Variants in ARHGEF18 observed in about 807,000 individuals in gnomAD.
ARHGEF18 encodes the protein Rho/Rac guanine nucleotide exchange factor 18.
ARHGEF18 carries 93 observed loss-of-function variants against 155.7 expected under a neutral mutation model. The observed-to-expected ratio is 0.60, with a 90% CI of 0.50 to 0.71. The LOEUF (loss-of-function observed/expected upper bound fraction) is 0.71. ARHGEF18 is among the 30% of genes least tolerant of loss of function. The pLI is 0.00. For synonymous variants in ARHGEF18, 742 were observed against 753.1 expected (o/e 0.99, Z 0.24); for missense variants, 1,593 against 1,816.1 (o/e 0.88, Z 2.23).
At chr19:7,392,991 G>A (rs1971486033) in intron 10 of ARHGEF18, among the ~76,000 whole-genome samples, 1 of 134,106 alleles carries the variant, frequency 7.5e-6, no homozygotes, top group Non-Finnish European at 1.5e-5. Flanking sequence ...AAGCTGCAAT[G>A]AGCTATGATT....
chr19:7,450,708 T>C (rs1975359069), intron 15 of ARHGEF18, among the ~76,000 whole-genome samples: 2 of 152,300 alleles, frequency 1.3e-5, no homozygotes, highest in African/African-American at 2.4e-5. Flanking sequence ...GTTTCCGAGA[T>C]GTTAATGCAA....
At chr19:7,375,432 G>GAAGAAAAGAAAAGA (rs1344952773) in intron 3 of ARHGEF18, among the ~76,000 whole-genome samples, 4 of 151,406 alleles carry the variant, frequency 2.6e-5, no homozygotes, top group Non-Finnish European at 5.9e-5. Flanking sequence ...AGAAAGGAAG[G>GAAGAAAAGAAAAGA]AAGAAAAGAA....
At chr19:7,382,963 G>A in intron 9 of ARHGEF18, 69 bp downstream of exon 9, 2 of 1,232,272 alleles carry the variant, frequency 1.6e-6, no homozygotes, top group Non-Finnish European at 2.0e-6. Context: ...CTTAGCCCGG[G>A]AGCCCTGTGA....
chr19:7,443,286 A>G (rs1684967679), intron 13 of ARHGEF18, among the ~76,000 whole-genome samples: 1 of 150,730 alleles, frequency 6.6e-6, no homozygotes, highest in South Asian at 2.1e-4. Flanking sequence ...CGGACTCCTG[A>G]CCTCATGATC....
intron 1 of ARHGEF18, among the ~76,000 whole-genome samples, chr19:7,362,437 G>A (rs888276845): frequency 6.6e-6 from 1 of 152,098 alleles, no homozygotes; most frequent in African/African-American, 2.4e-5. Context: ...CTTTTTCCTA[G>A]AGCAGGCATA....
At chr19:7,351,166 T>G (rs896844583) in intron 1 of ARHGEF18, among the ~76,000 whole-genome samples, 2 of 152,174 alleles carry the variant, frequency 1.3e-5, no homozygotes, top group Non-Finnish European at 2.9e-5. Flanking sequence ...TCAGAAAACA[T>G]TGTCAGCCTC....
rs1183854116 is a variant in ARHGEF18, at chr19:7,467,397, C to T, written c.3193C>T (p.His1065Tyr). Reference sequence around the variant, plus strand: ...GGAGAAGCTGCAGAGCCAGCTGCGGCACGAGCAGCAGCGCTGGGAGCGCGA... The same window carrying T: ...GGAGAAGCTGCAGAGCCAGCTGCGGTACGAGCAGCAGCGCTGGGAGCGCGA... ...ALEKLQSQLR[H>Y]EQQRWERERQ... The change falls in exon 26 of 29, where the codon CAC becomes TAC. Residue 1065 changes from histidine (H) to tyrosine (Y), a missense_variant. By Grantham distance (83) the His-to-Tyr change is moderately conservative. Coordinates refer to ENST00000668164, the MANE Select transcript of ARHGEF18 (RefSeq NM_001367823.1). 1 of 1,532,914 alleles carries T rather than the reference C, an allele frequency of 6.5e-7. No individual in the cohort carries two copies. Among genetic ancestry groups the T allele is most frequent in the Admixed American group, 2.0e-5 (1 of 50,930 alleles). The allele number at this position is 1,532,914 out of a possible 1,614,324, so 95.0% of individuals were successfully genotyped here. A position where few individuals can be genotyped will look rare whatever the true frequency, so the allele number is the denominator to read the frequency against.
At chr19:7,363,993 G>GAGGA (rs766146425) in intron 2 of ARHGEF18, among the ~76,000 whole-genome samples, 1 of 149,444 alleles carries the variant, frequency 6.7e-6, no homozygotes, top group African/African-American at 2.5e-5. Flanking sequence ...AGAAGGGTGA[G>GAGGA]AGGAAGGAAG....
chr19:7,414,739 GT>G (rs1437171042), intron 10 of ARHGEF18, among the ~76,000 whole-genome samples: 6 of 152,032 alleles, frequency 3.9e-5, no homozygotes, highest in African/African-American at 1.4e-4. Context: ...AACCCGGGAG[GT>G]GGAGGTTGCA....
chr19:7,426,221 C>T (rs369152500), intron 10 of ARHGEF18, among the ~76,000 whole-genome samples: 73 of 152,174 alleles, frequency 4.8e-4, no homozygotes, highest in African/African-American at 1.7e-3. Context: ...GGCGCGGTGG[C>T]TCATGCCTGT....
At chr19:7,362,300 G>GA (rs1453556474) in intron 1 of ARHGEF18, among the ~76,000 whole-genome samples, 1 of 150,624 alleles carries the variant, frequency 6.6e-6, no homozygotes, top group African/African-American at 2.5e-5. Flanking sequence ...GAGGAAGAAG[G>GA]AGAAGGAGGA....
rs536682892 is a variant in ARHGEF18, at chr19:7,393,433, T to C, written c.967+10230T>C. On this transcript the variant is annotated intron_variant, in intron 10 of 28. Transcript: ENST00000668164. ...AGGTTTCCCAGGCTGATCTCAAAGC[T>C]CCTGGACTCAAGTGATCCTCCCTCC... is the stretch of plus-strand genomic sequence containing the variant. 2.4e-4 allele frequency among the ~76,000 whole-genome samples: 36 copies of C among 152,238 alleles called. No homozygotes were observed. In the South Asian group the frequency reaches 5.8e-3, roughly 25 times the overall value.
At chr19:7,390,044 A>T (rs901677926) in intron 10 of ARHGEF18, among the ~76,000 whole-genome samples, 3 of 152,028 alleles carry the variant, frequency 2.0e-5, no homozygotes, top group Admixed American at 2.0e-4. Flanking sequence ...AAATGTTTAA[A>T]AGTTAGCCAG....
At position 7,463,934 on chromosome 19, in the gene ARHGEF18, T is replaced by G; in HGVS notation, c.2752T>G (p.Cys918Gly). Residue 918 changes from cysteine (C) to glycine (G), a missense_variant, in exon 22 of 29, where the codon TGC becomes GGC. Coordinates refer to ENST00000668164, the MANE Select transcript of ARHGEF18 (RefSeq NM_001367823.1). The surrounding 1 kb of genome is among the most constrained non-coding windows in gnomAD (Gnocchi z 5.2). ...GGCTGAGACCTTCGCGGGCTACGAC[T>G]GCACAAACAGCCCCACCAAGAGTAA... is the stretch of plus-strand genomic sequence containing the variant. Reference protein sequence around the residue: ...RRAETFAGYDCTNSPTKNGSF... With the variant: ...RRAETFAGYDGTNSPTKNGSF... 6.3e-7 allele frequency: 1 copy of G among 1,592,778 alleles called. No homozygotes were observed. The highest frequency in any genetic ancestry group is 8.5e-7 in the Non-Finnish European group (1 of 1,170,120).
Position 7,373,074 on chromosome 19 carries a change from C to A in ARHGEF18, c.275+3C>A. 1.6e-6 allele frequency: 2 copies of A among 1,234,458 alleles called. No homozygotes were observed. Among genetic ancestry groups the A allele is most frequent in the South Asian group, 8.2e-5 (2 of 24,362 alleles). 76.5% of individuals were successfully genotyped at this position (1,234,458 alleles called of 1,614,324 possible). A position where few individuals can be genotyped will look rare whatever the true frequency, so the allele number is the denominator to read the frequency against. ...AGCTGCTCAGAGAGCTGGCGGAGGT[C>A]AGTTCCCCACTGCTGCCTGCTTCCC... is the stretch of plus-strand genomic sequence containing the variant. On this transcript the variant is annotated splice_donor_region_variant and intron_variant, in intron 3 of 28. Coordinates refer to ENST00000668164, the MANE Select transcript of ARHGEF18 (RefSeq NM_001367823.1).
At chr19:7,410,498 GTCT>G (rs1328983515) in intron 10 of ARHGEF18, among the ~76,000 whole-genome samples, 2 of 151,784 alleles carry the variant, frequency 1.3e-5, no homozygotes, top group Non-Finnish European at 2.9e-5. Context: ...TTCAGAATCA[GTCT>G]TCTTTTCATC....
chr19:7,356,883 C>T (rs1969328912), intron 1 of ARHGEF18, among the ~76,000 whole-genome samples: 1 of 152,180 alleles, frequency 6.6e-6, no homozygotes, highest in Non-Finnish European at 1.5e-5. Context: ...GATTCGTTAG[C>T]TCATTCATTC....
chr19:7,404,336 G>T (rs776385511), intron 10 of ARHGEF18, among the ~76,000 whole-genome samples: 2 of 151,848 alleles, frequency 1.3e-5, no homozygotes, highest in Non-Finnish European at 2.9e-5. Flanking sequence ...TGCGTTCTCT[G>T]TTGTCCTGTA....
At chr19:7,361,288 A>T (rs187693161) in intron 1 of ARHGEF18, among the ~76,000 whole-genome samples, 3 of 152,214 alleles carry the variant, frequency 2.0e-5, no homozygotes, top group Admixed American at 2.0e-4. Context: ...AATAAAAAAA[A>T]TTAGCCAGGT....
Sources: allele counts gnomAD v4.1 joint callset (sites outside exome capture counted in the v4.1 genomes callset), GRCh38; gene constraint gnomAD v4.1.1; non-coding constraint Gnocchi (gnomAD v3.1); transcripts MANE v1.5; gene names NCBI Gene and HGNC (gene_info 2026-07-23, HGNC 2026-07-21).